CIAO1: variants seen among roughly 807,000 people sequenced by gnomAD.
CIAO1 encodes probable cytosolic iron-sulfur protein assembly protein CIAO1.
Under a neutral mutation model 43.1 loss-of-function variants are expected in CIAO1, and 32 were observed. That is an observed-to-expected ratio of 0.74 (90% CI 0.56 to 1.00). The LOEUF (loss-of-function observed/expected upper bound fraction) is 1.00, where lower values mean the gene tolerates loss of function less well. Among genes scored for constraint, CIAO1 ranks in the 50% least tolerant of loss-of-function variants. The probability of loss-of-function intolerance (pLI) is 0.00; values close to 1 mark genes in which losing one functional copy is unlikely to be tolerated. For synonymous variants in CIAO1, 183 were observed against 171.4 expected (o/e 1.07, Z -0.53); for missense variants, 415 against 437.4 (o/e 0.95, Z 0.46).
chr2:96,269,116 G>A, intron 5 of CIAO1, 152 bp from the exon 6 acceptor site: 1 of 671,894 alleles, frequency 1.5e-6, no homozygotes, highest in Middle Eastern at 3.7e-4. Context: ...TCTGGCTATA[G>A]TGTGTAAGGC....
intron 3 of CIAO1, 32 bp from the exon 4 acceptor site, chr2:96,267,804 C>G (rs151237343): frequency 6.2e-7 from 1 of 1,611,670 alleles, no homozygotes; most frequent in Non-Finnish European, 8.5e-7. Context: ...CTGACAGGGT[C>G]GGCTCTTGGG....
At chr2:96,270,960 A>G (rs1030188277) in intron 6 of CIAO1, 151 bp from the exon 7 acceptor site, 53 of 891,592 alleles carry the variant, frequency 5.9e-5, no homozygotes, top group Non-Finnish European at 9.0e-5. Flanking sequence ...AGTGGGTGAT[A>G]TTTGTGACTC....
At chr2:96,266,511 C>G in intron 1 of CIAO1, 22 bp downstream of exon 1, 1 of 1,457,044 alleles carries the variant, frequency 6.9e-7, no homozygotes, top group Non-Finnish European at 9.2e-7. Context: ...CCTGGTTGCG[C>G]GGCCCTCAGC....
chr2:96,272,960 A>C lies in CIAO1; in HGVS notation c.*1609A>C, dbSNP rs1240199643. 1 of 152,222 alleles carries C rather than the reference A, an allele frequency of 6.6e-6. No homozygotes were observed. The highest frequency in any genetic ancestry group is 1.5e-5 in the Non-Finnish European group (1 of 68,042). 9.4% of individuals were successfully genotyped at this position (152,222 alleles called of 1,614,324 possible). A position where few individuals can be genotyped will look rare whatever the true frequency, so the allele number is the denominator to read the frequency against. On this transcript the variant is annotated 3_prime_UTR_variant, in exon 7 of 7. Transcript: ENST00000488633. Reference sequence around the variant, plus strand: ...GTTGCAAGCTGAATTGGCTGTGTTCAAGGCATGCCCTTTAGAATTGAAAGA... The same window carrying C: ...GTTGCAAGCTGAATTGGCTGTGTTCCAGGCATGCCCTTTAGAATTGAAAGA...
At position 96,266,298 on chromosome 2, in the gene CIAO1, C is replaced by G; in HGVS notation, c.-53C>G. 1 of 1,333,344 alleles carries G rather than the reference C, an allele frequency of 7.5e-7. No individual in the cohort carries two copies. The highest frequency in any genetic ancestry group is 9.7e-7 in the Non-Finnish European group (1 of 1,031,854). 82.6% of individuals were successfully genotyped at this position (1,333,344 alleles called of 1,614,324 possible). A position where few individuals can be genotyped will look rare whatever the true frequency, so the allele number is the denominator to read the frequency against. Reference sequence around the variant, plus strand: ...ACGCAGACGCGCGCGGTGAGACCCGCTGTCTGCTCAGCGGACTCTGCCCGC... The same window carrying G: ...ACGCAGACGCGCGCGGTGAGACCCGGTGTCTGCTCAGCGGACTCTGCCCGC... On this transcript the variant is annotated 5_prime_UTR_variant, in exon 1 of 7. Transcript: ENST00000488633.
Position 96,269,353 on chromosome 2 carries a change from T to A in CIAO1, c.777T>A (p.Ala259=). 3 of 1,613,616 alleles carry A rather than the reference T, an allele frequency of 1.9e-6. No homozygotes were observed. Among genetic ancestry groups the A allele is most frequent in the Non-Finnish European group, 2.5e-6 (3 of 1,179,534 alleles). Residue 259 remains alanine, a splice_region_variant and synonymous_variant, in exon 6 of 7, where the codon GCT becomes GCA. Transcript: ENST00000488633. ...ACTCAAGGACCATTTATGACATTGC[T>A]TGGTAAGACTCCATCCCCCCACCCC... ...GFHSRTIYDI[A]WCQLTGALAT...
rs1684553878 is a variant in CIAO1, at chr2:96,271,724, C to T, written c.*373C>T. On this transcript the variant is annotated 3_prime_UTR_variant, in exon 7 of 7. Transcript: ENST00000488633. ...GAAATAATCCATCTGCATCCCAAGTCCTATTTTATAAGGATATTCATAAAA... is the reference window on the plus strand; with the variant it reads ...GAAATAATCCATCTGCATCCCAAGTTCTATTTTATAAGGATATTCATAAAA... The T allele has an allele frequency of 1.2e-5, 2 of 165,186 alleles. No homozygotes were observed. The highest frequency in any genetic ancestry group is 6.0e-5 in the Admixed American group (1 of 16,694). The allele number at this position is 165,186 out of a possible 1,614,324, so 10.2% of individuals were successfully genotyped here. A position where few individuals can be genotyped will look rare whatever the true frequency, so the allele number is the denominator to read the frequency against.
In CIAO1 at chr2:96,266,378, C is replaced by G. The variant is rs1163159116; in HGVS notation, c.28C>G (p.Arg10Gly). 2.0e-6 allele frequency: 3 copies of G among 1,508,008 alleles called. No homozygotes were observed. The highest frequency in any genetic ancestry group is 2.7e-6 in the Non-Finnish European group (3 of 1,120,098). The allele number at this position is 1,508,008 out of a possible 1,614,324, so 93.4% of individuals were successfully genotyped here. A position where few individuals can be genotyped will look rare whatever the true frequency, so the allele number is the denominator to read the frequency against. MKDSLVLLG[R>G]VPAHPDSRCW... ...GAAGGACTCGCTGGTGCTGCTGGGC[C>G]GTGTCCCGGCGCACCCGGACTCCCG... Residue 10 changes from arginine (R) to glycine (G), a missense_variant, in exon 1 of 7, where the codon CGT becomes GGT. Coordinates refer to ENST00000488633, the MANE Select transcript of CIAO1 (RefSeq NM_004804.3).
intron 5 of CIAO1, chr2:96,268,967 A>C: frequency 1.8e-6 from 1 of 563,178 alleles, no homozygotes; most frequent in Non-Finnish European, 3.2e-6. Context: ...TAAATGGGGC[A>C]TAGGACGTCT....
chr2:96,268,444 A>G lies in CIAO1; in HGVS notation c.490-13A>G. ...ACAGACACATGTTGGGTTTCCTTTC[A>G]CTCTTCCCCCAGCTCTTAGCTTCTG... On this transcript the variant is annotated splice_polypyrimidine_tract_variant and intron_variant, in intron 4 of 6. Coordinates refer to ENST00000488633, the MANE Select transcript of CIAO1 (RefSeq NM_004804.3). 1 of 1,613,344 alleles carries G rather than the reference A, an allele frequency of 6.2e-7. No homozygotes were observed. Among genetic ancestry groups the G allele is most frequent in the South Asian group, 1.1e-5 (1 of 91,034 alleles).
chr2:96,271,443 A>T lies in CIAO1; in HGVS notation c.*92A>T. On this transcript the variant is annotated 3_prime_UTR_variant, in exon 7 of 7. Coordinates refer to ENST00000488633, the MANE Select transcript of CIAO1 (RefSeq NM_004804.3). ...GAGAGGACCAGGAGGAGCATCCTTG[A>T]CCTTCATTTAACTTGGCTCACTTCT... 1 of 1,470,642 alleles carries T rather than the reference A, an allele frequency of 6.8e-7. No homozygotes were observed. Among genetic ancestry groups the T allele is most frequent in the Non-Finnish European group, 9.1e-7 (1 of 1,095,040 alleles). 91.1% of individuals were successfully genotyped at this position (1,470,642 alleles called of 1,614,324 possible). A position where few individuals can be genotyped will look rare whatever the true frequency, so the allele number is the denominator to read the frequency against.
Position 96,271,407 on chromosome 2 carries a change from T to C in CIAO1, c.*56T>C, listed in dbSNP as rs1573983402. The C allele has an allele frequency of 1.9e-6, 3 of 1,584,890 alleles. No homozygotes were observed. The highest frequency in any genetic ancestry group is 1.1e-5 in the South Asian group (1 of 88,888). On this transcript the variant is annotated 3_prime_UTR_variant, in exon 7 of 7. Coordinates refer to ENST00000488633, the MANE Select transcript of CIAO1 (RefSeq NM_004804.3). ...CCCCAGAAAACGTCATATAAGACTTTACCAGCCCCTGAGAGGACCAGGAGG... is the reference window on the plus strand; with the variant it reads ...CCCCAGAAAACGTCATATAAGACTTCACCAGCCCCTGAGAGGACCAGGAGG...
chr2:96,267,259 A>C, intron 1 of CIAO1, 62 bp from the exon 2 acceptor site: 2 of 1,534,384 alleles, frequency 1.3e-6, no homozygotes, highest in South Asian at 2.5e-5. Context: ...CTAGCCCCTG[A>C]TATTGAATGG....
chr2:96,266,499 A>G lies in CIAO1; in HGVS notation c.139+10A>G. ...ATCTGGGGCACGGAGGGTAAGGCCC[A>G]GCCTGGTTGCGCGGCCCTCAGCGCT... is the stretch of plus-strand genomic sequence containing the variant. On this transcript the variant is annotated intron_variant, in intron 1 of 6. Coordinates refer to ENST00000488633, the MANE Select transcript of CIAO1 (RefSeq NM_004804.3). 1.3e-6 allele frequency: 2 copies of G among 1,497,384 alleles called. No individual in the cohort carries two copies. The highest frequency in any genetic ancestry group is 1.3e-5 in the South Asian group (1 of 79,196). The allele number at this position is 1,497,384 out of a possible 1,614,324, so 92.8% of individuals were successfully genotyped here.
At chr2:96,269,241 T>C (rs375053691) in intron 5 of CIAO1, 27 bp from the exon 6 acceptor site, 3 of 1,607,382 alleles carry the variant, frequency 1.9e-6, no homozygotes, top group African/African-American at 2.7e-5. Context: ...TAGGAACGTT[T>C]AAGGGCAAGA....
chr2:96,269,242 A>T, intron 5 of CIAO1, 26 bp from the exon 6 acceptor site: 1 of 1,606,088 alleles, frequency 6.2e-7, no homozygotes. Context: ...AGGAACGTTT[A>T]AGGGCAAGAG....
At chr2:96,267,593 T>C (rs1463328600) in intron 2 of CIAO1, 32 bp from the exon 3 acceptor site, 2 of 1,611,162 alleles carry the variant, frequency 1.2e-6, no homozygotes, top group Non-Finnish European at 1.7e-6. Context: ...TGTTAGCTGC[T>C]GTTAATTCTC....
In CIAO1 at chr2:96,271,315, G is replaced by A. The variant is rs1262869158; in HGVS notation, c.984G>A (p.Val328=). The change falls in exon 7 of 7, where the codon GTG becomes GTA. Residue 328 remains valine (V), a synonymous_variant. Coordinates refer to ENST00000488633, the MANE Select transcript of CIAO1 (RefSeq NM_004804.3). ...CCTCCTGCAGTGATGATGGGGAGGT[G>A]GCCTTCTGGAAGTATCAGCGGCCTG... ...LLASCSDDGE[V]AFWKYQRPEG... is the part of the protein sequence containing the mutation. The A allele has an allele frequency of 6.2e-7, 1 of 1,614,154 alleles. No homozygotes were observed. Among genetic ancestry groups the A allele is most frequent in the Admixed American group, 1.7e-5 (1 of 60,030 alleles).
chr2:96,270,639 GTC>G (rs1684530444), intron 6 of CIAO1, among the ~76,000 whole-genome samples: 1 of 151,518 alleles, frequency 6.6e-6, no homozygotes. Context: ...ATAAAACCCT[GTC>G]TCTACTGAAA....
Sources: allele counts gnomAD v4.1 joint callset (sites outside exome capture counted in the v4.1 genomes callset), GRCh38; gene constraint gnomAD v4.1.1; transcripts MANE v1.5; gene names NCBI Gene and HGNC (gene_info 2026-07-23, HGNC 2026-07-21).